SEMA4B: variants seen among roughly 807,000 people sequenced by gnomAD.
SEMA4B encodes the protein semaphorin 4B, also known as semaphorin-4B.
SEMA4B carries 55 observed loss-of-function variants against 88.1 expected under a neutral mutation model. The observed-to-expected ratio is 0.62, with a 90% CI of 0.50 to 0.78. The LOEUF (loss-of-function observed/expected upper bound fraction) is 0.78, where lower values mean the gene tolerates loss of function less well. Ranked by LOEUF, SEMA4B falls within the 30% of genes least tolerant of loss-of-function variation. SEMA4B has a pLI of 0.00. For missense variants in SEMA4B, 1,062 were observed against 1,111.9 expected, an observed-to-expected ratio of 0.96 and a Z score of 0.64; for synonymous variants, 525 against 473.6, an observed-to-expected ratio of 1.11 and a Z score of -1.41.
intron 3 of SEMA4B, 141 bp from the exon 4 acceptor site, chr15:90,219,652 T>G (rs1961702874): frequency 1.6e-6 from 1 of 627,034 alleles, no homozygotes; most frequent in South Asian, 2.0e-5. Context: ...AACCCGTGGG[T>G]TCTTTGTTCC....
At chr15:90,215,218 G>A (rs1468764343) in intron 1 of SEMA4B, among the ~76,000 whole-genome samples, 1 of 93,524 alleles carries the variant, frequency 1.1e-5, no homozygotes, top group African/African-American at 6.4e-5. Flanking sequence ...GTGTGTGTGT[G>A]TTTCTTTTTT....
rs1359353369 is a variant in SEMA4B, at chr15:90,201,338, G to A, written c.-241G>A. On this transcript the variant is annotated 5_prime_UTR_variant, in exon 1 of 14. The change creates a new upstream start codon in the 5' untranslated region. Coordinates refer to ENST00000411539, the MANE Select transcript of SEMA4B (RefSeq NM_198925.4). The stretch of plus-strand genomic sequence containing the variant: ...CAGCCCCGCCCTCCGCCGCTTGCGG[G>A]TGAGCTCTGCCCAAGCCGAGGCTGC... 1 of 1,209,828 alleles carries A rather than the reference G, an allele frequency of 8.3e-7. No homozygotes were observed. Among genetic ancestry groups the A allele is most frequent in the Non-Finnish European group, 1.0e-6 (1 of 973,520 alleles). The allele number at this position is 1,209,828 out of a possible 1,614,324, so 74.9% of individuals were successfully genotyped here.
chr15:90,214,992 G>T (rs1473550723), intron 1 of SEMA4B: 1 of 1,272,378 alleles, frequency 7.9e-7, no homozygotes, highest in South Asian at 1.3e-5. Flanking sequence ...CATCTTCACA[G>T]CTGCTTGATT....
At chr15:90,221,140 C>A in intron 5 of SEMA4B, 47 bp downstream of exon 5, 1 of 1,364,138 alleles carries the variant, frequency 7.3e-7, no homozygotes, top group Non-Finnish European at 1.0e-6. Context: ...CATGTAGGGG[C>A]ACACAGGGCT....
At chr15:90,225,465 C>T (rs755222047) in intron 11 of SEMA4B, 68 bp downstream of exon 11, 12 of 1,419,682 alleles carry the variant, frequency 8.5e-6, no homozygotes, top group South Asian at 4.9e-5. Context: ...CCAAGCAGTC[C>T]CCACCCAGCT....
chr15:90,218,000 G>C (rs1049318140), intron 3 of SEMA4B, 171 bp downstream of exon 3: 2 of 588,988 alleles, frequency 3.4e-6, no homozygotes, highest in South Asian at 2.0e-5. Context: ...CACTTACATC[G>C]CTACGACCTT....
At position 90,223,639 on chromosome 15, in the gene SEMA4B, C is replaced by G. The variant is rs369552245; in HGVS notation, c.942C>G (p.Asp314Glu). ...LKAQLLCSRP[D>E]DGFPFNVLQD... ...CCCAGCTGCTGTGCTCACGGCCCGA[C>G]GATGGCTTCCCCTTCAACGTGCTGC... The change falls in exon 8 of 14, where the codon GAC (aspartate) becomes GAG (glutamate). Residue 314 changes from aspartate to glutamate, a missense_variant. Coordinates refer to ENST00000411539, the MANE Select transcript of SEMA4B (RefSeq NM_198925.4). 3.1e-6 allele frequency: 5 copies of G among 1,613,496 alleles called. No homozygotes were observed. The East Asian group carries it at 6.7e-5, about 22-fold the overall frequency.
At chr15:90,225,447 C>T (rs1014844345) in intron 11 of SEMA4B, 50 bp downstream of exon 11, 2 of 1,492,578 alleles carry the variant, frequency 1.3e-6, no homozygotes, top group South Asian at 1.2e-5. Context: ...GGGTGCCCTC[C>T]ATTAGCACCA....
At chr15:90,221,823 G>T in intron 7 of SEMA4B, 58 bp downstream of exon 7, 2 of 1,559,426 alleles carry the variant, frequency 1.3e-6, no homozygotes, top group Non-Finnish European at 1.7e-6. Flanking sequence ...CTCCACAGCT[G>T]CAAGATCACC....
At position 90,225,366 on chromosome 15, in the gene SEMA4B, C is replaced by G; in HGVS notation, c.1490C>G (p.Pro497Arg). The G allele has an allele frequency of 6.4e-7, 1 of 1,553,500 alleles. No individual in the cohort carries two copies. The highest frequency in any genetic ancestry group is 8.7e-7 in the Non-Finnish European group (1 of 1,149,120). Reference protein sequence around the residue: ...EELQIFSSGQPVQNLLLDTHR... With the variant: ...EELQIFSSGQRVQNLLLDTHR... ...CTGCAGATCTTCTCATCGGGACAGCCCGTGCAGAATCTGCTCCTGGACACC... is the reference window on the plus strand; with the variant it reads ...CTGCAGATCTTCTCATCGGGACAGCGCGTGCAGAATCTGCTCCTGGACACC... The change falls in exon 11 of 14, where the codon CCC becomes CGC. Residue 497 changes from proline (P) to arginine (R), a missense_variant. Transcript: ENST00000411539.
intron 7 of SEMA4B, among the ~76,000 whole-genome samples, chr15:90,222,587 T>C (rs1337634923): frequency 6.6e-6 from 1 of 150,856 alleles, no homozygotes. Context: ...AATGTGAAAA[T>C]AGAAAACTGT....
At chr15:90,202,120 C>T (rs1011591461) in intron 1 of SEMA4B, among the ~76,000 whole-genome samples, 5 of 152,240 alleles carry the variant, frequency 3.3e-5, no homozygotes, top group African/African-American at 1.2e-4. Context: ...GCTTGCAGTC[C>T]TATAAACACT....
At position 90,217,840 on chromosome 15, in the gene SEMA4B, A is replaced by G; in HGVS notation, c.384+11A>G. On this transcript the variant is annotated intron_variant, in intron 3 of 13. Transcript: ENST00000411539. ...GGCAAGGACCCACAGGTGAGCCCACACCTGGAAGGGAGCTGAGCTGCAGGA... is the reference window on the plus strand; with the variant it reads ...GGCAAGGACCCACAGGTGAGCCCACGCCTGGAAGGGAGCTGAGCTGCAGGA... 1 of 1,609,160 alleles carries G rather than the reference A, an allele frequency of 6.2e-7. No individual in the cohort carries two copies. The highest frequency in any genetic ancestry group is 1.7e-5 in the Admixed American group (1 of 59,388).
At chr15:90,188,004 CAAA>C (rs61167091) in intron 1 of SEMA4B, among the ~76,000 whole-genome samples, 27 of 124,542 alleles carry the variant, frequency 2.2e-4, no homozygotes, top group Admixed American at 3.3e-4. Flanking sequence ...GACTCCATCT[CAAA>C]AAAAAAAAAA....
chr15:90,217,480 A>G lies in SEMA4B; in HGVS notation c.199A>G (p.Ile67Val), dbSNP rs200979514. ...RPFLRFEAEH[I>V]SNYTALLLSR... The stretch of plus-strand genomic sequence containing the variant: ...ATTCCTCAGATTCGAAGCTGAACAC[A>G]TCTCCAACTACACAGCCCTTCTGCT... The change falls in exon 2 of 14, where the codon ATC (isoleucine) becomes GTC (valine). Residue 67 changes from isoleucine (I) to valine (V), a missense_variant. By Grantham distance (29) the Ile-to-Val change is conservative. Coordinates refer to ENST00000411539, the MANE Select transcript of SEMA4B (RefSeq NM_198925.4). 1.5e-4 allele frequency: 240 copies of G among 1,613,918 alleles called. No individual in the cohort carries two copies. The African/African-American group carries it at 2.9e-3, about 20-fold the overall frequency.
rs1340155811 is a variant in SEMA4B at position 90,228,197 on chromosome 15, C to T, written c.2068C>T (p.Pro690Ser). The T allele has an allele frequency of 2.5e-6, 4 of 1,610,138 alleles. No homozygotes were observed. The highest frequency in any genetic ancestry group is 1.3e-5 in the African/African-American group (1 of 74,864). ...CCAAACAGATGAGGGTGGCAGTGTA[C>T]CCGTCATTATCAGCACATCGCGTGT... is the stretch of plus-strand genomic sequence containing the variant. ...ADQTDEGGSV[P>S]VIISTSRVSA... Residue 690 changes from proline (P) to serine (S), a missense_variant, in exon 14 of 14, where the codon CCC (proline) becomes TCC (serine). Coordinates refer to ENST00000411539, the MANE Select transcript of SEMA4B (RefSeq NM_198925.4).
At chr15:90,188,940 A>G (rs917090887) in intron 1 of SEMA4B, among the ~76,000 whole-genome samples, 1 of 152,096 alleles carries the variant, frequency 6.6e-6, no homozygotes, top group African/African-American at 2.4e-5. Context: ...AAGTGCTGGG[A>G]TTATAGGCAT....
intron 1 of SEMA4B, chr15:90,206,598 G>A: frequency 1.8e-6 from 1 of 561,804 alleles, no homozygotes; most frequent in South Asian, 2.2e-5. Context: ...GCTGCTGGAG[G>A]GGTAATGGAC....
chr15:90,196,802 A>G (rs922609618), upstream of SEMA4B, among the ~76,000 whole-genome samples: 10 of 152,226 alleles, frequency 6.6e-5, no homozygotes, highest in African/African-American at 2.4e-4. Context: ...TACATTATTA[A>G]CCAGCATTTT....
Sources: gnomAD v4.1 joint callset for allele counts (sites outside exome capture counted in the v4.1 genomes callset) on GRCh38, gnomAD v4.1.1 for gene constraint, MANE v1.5 for transcripts, NCBI Gene and HGNC (gene_info 2026-07-23, HGNC 2026-07-21) for gene names.